The following ITGA1 variants were observed in gnomAD, a reference collection of about 807,000 sequenced individuals.
ITGA1 encodes the protein integrin subunit alpha 1, also known as integrin alpha-1.
Under a neutral mutation model 145.9 loss-of-function variants are expected in ITGA1, and 85 were observed. The observed-to-expected ratio is 0.58, with a 90% confidence interval of 0.49 to 0.70. The LOEUF is 0.70. ITGA1 is among the 30% of genes least tolerant of loss of function. The pLI, the probability that ITGA1 is intolerant of heterozygous loss-of-function variation, is 0.00. For missense variants in ITGA1, 1,351 were observed against 1,418.7 expected (o/e 0.95, Z 0.77); for synonymous variants, 520 against 495.3 (o/e 1.05, Z -0.66).
At chr5:52,875,979 G>A (rs570399129) in intron 6 of ITGA1, among the ~76,000 whole-genome samples, 1 of 151,690 alleles carries the variant, frequency 6.6e-6, no homozygotes, top group Non-Finnish European at 1.5e-5. Context: ...GGGCCACTTT[G>A]TTTCCTTCCA....
At chr5:52,893,072 T>G (rs763479677) in intron 8 of ITGA1, among the ~76,000 whole-genome samples, 2 of 152,140 alleles carry the variant, frequency 1.3e-5, no homozygotes, top group Non-Finnish European at 2.9e-5. Flanking sequence ...TTAACAATCA[T>G]ATATAACTCC....
chr5:52,892,181 C>T (rs935695712), intron 8 of ITGA1, among the ~76,000 whole-genome samples: 8 of 152,068 alleles, frequency 5.3e-5, no homozygotes, highest in Admixed American at 4.6e-4. Context: ...AAGATTTGAA[C>T]AGACACTAAC....
At chr5:52,924,434 A>G (rs1750772997) in intron 18 of ITGA1, among the ~76,000 whole-genome samples, 1 of 152,168 alleles carries the variant, frequency 6.6e-6, no homozygotes, top group African/African-American at 2.4e-5. Flanking sequence ...CATGAAGGAA[A>G]CAACGACATT....
intron 26 of ITGA1, among the ~76,000 whole-genome samples, chr5:52,943,863 C>T (rs375425224): frequency 2.2e-4 from 33 of 152,252 alleles, no homozygotes; most frequent in South Asian, 1.7e-3. Flanking sequence ...CAGGACACCC[C>T]GCAGCTCAGA....
intron 24 of ITGA1, among the ~76,000 whole-genome samples, chr5:52,938,399 T>C (rs1004025800): frequency 6.6e-6 from 1 of 152,212 alleles, no homozygotes; most frequent in African/African-American, 2.4e-5. Flanking sequence ...AATGTGTGCA[T>C]GATGTCAGAA....
intron 1 of ITGA1, among the ~76,000 whole-genome samples, chr5:52,813,494 G>A (rs1748715548): frequency 6.6e-6 from 1 of 152,108 alleles, no homozygotes; most frequent in South Asian, 2.1e-4. Flanking sequence ...GAAATTTTCT[G>A]GAAGAAGGCA....
chr5:52,822,738 T>C (rs896474639), intron 1 of ITGA1, among the ~76,000 whole-genome samples: 1 of 152,228 alleles, frequency 6.6e-6, no homozygotes, highest in Non-Finnish European at 1.5e-5. Context: ...CTGCTTCGTA[T>C]GATCGGTAAT....
At chr5:52,872,185 C>T (rs1478676798) in intron 6 of ITGA1, among the ~76,000 whole-genome samples, 2 of 152,084 alleles carry the variant, frequency 1.3e-5, no homozygotes, top group Admixed American at 1.3e-4. Flanking sequence ...TTTCTTTTTA[C>T]TGCTGATTTT....
chr5:52,827,369 A>G (rs946907081), intron 1 of ITGA1, among the ~76,000 whole-genome samples: 9 of 152,310 alleles, frequency 5.9e-5, no homozygotes, highest in Admixed American at 5.9e-4. Flanking sequence ...GATGAAATCA[A>G]TTCCTGAAAT....
intron 6 of ITGA1, among the ~76,000 whole-genome samples, chr5:52,869,513 A>G (rs1749744379): frequency 6.6e-6 from 1 of 152,096 alleles, no homozygotes. Context: ...CTAAGGCATA[A>G]TTATTATATT....
chr5:52,831,136 C>T (rs1020887831), intron 1 of ITGA1, among the ~76,000 whole-genome samples: 1 of 150,070 alleles, frequency 6.7e-6, no homozygotes, highest in African/African-American at 2.5e-5. Context: ...AGAGGTCACA[C>T]TTTTTTTTTT....
Position 52,788,196 on chromosome 5 carries a change from A to T in ITGA1, c.-158A>T, listed in dbSNP as rs1321378682. On this transcript the variant is annotated 5_prime_UTR_variant, in exon 1 of 29. Transcript: ENST00000282588. ...TAGAGGAATTCGACGAAAACACAGG[A>T]AATCACTCCTCTCCCGCTCCTGGGC... The T allele has an allele frequency of 2.0e-6, 1 of 500,696 alleles. No homozygotes were observed. Among genetic ancestry groups the T allele is most frequent in the African/African-American group, 2.0e-5 (1 of 49,154 alleles). The allele number at this position is 500,696 out of a possible 1,614,324, so 31.0% of individuals were successfully genotyped here. A position where few individuals can be genotyped will look rare whatever the true frequency, so the allele number is the denominator to read the frequency against.
At chr5:52,887,719 GCTAC>G in intron 7 of ITGA1, 92 bp from the exon 8 acceptor site, 2 of 1,190,286 alleles carry the variant, frequency 1.7e-6, no homozygotes, top group Non-Finnish European at 2.3e-6. Context: ...GAAGCACCAG[GCTAC>G]CTAGAGTAGT....
chr5:52,810,560 T>C (rs1178413531), intron 1 of ITGA1, among the ~76,000 whole-genome samples: 1 of 152,240 alleles, frequency 6.6e-6, no homozygotes, highest in East Asian at 1.9e-4. Flanking sequence ...AATAGTTCTC[T>C]GACCCTTTGT....
chr5:52,833,565 T>C (rs1466321987), intron 1 of ITGA1, among the ~76,000 whole-genome samples: 5 of 152,222 alleles, frequency 3.3e-5, no homozygotes, highest in African/African-American at 1.2e-4. Flanking sequence ...ACTACCTTGC[T>C]CTTGCTAGAG....
At chr5:52,813,182 C>T (rs1748711434) in intron 1 of ITGA1, among the ~76,000 whole-genome samples, 1 of 152,152 alleles carries the variant, frequency 6.6e-6, no homozygotes, top group South Asian at 2.1e-4. Context: ...GAGGTCCTGA[C>T]TCTGCTTATG....
intron 3 of ITGA1, chr5:52,863,927 A>G (rs1749644669): frequency 6.6e-6 from 1 of 152,238 alleles, no homozygotes; most frequent in Non-Finnish European, 1.5e-5. Flanking sequence ...GCAGATCAGG[A>G]AGTCTAACTG....
At chr5:52,832,197 C>G (rs1002315804) in intron 1 of ITGA1, among the ~76,000 whole-genome samples, 1 of 152,108 alleles carries the variant, frequency 6.6e-6, no homozygotes, top group Admixed American at 6.5e-5. Context: ...CCATGGATCT[C>G]TCCACCAAGA....
At chr5:52,881,126 T>C (rs1045881567) in intron 6 of ITGA1, among the ~76,000 whole-genome samples, 54 of 151,926 alleles carry the variant, frequency 3.6e-4, no homozygotes, top group Non-Finnish European at 8.8e-5. Context: ...GAAGGTGGAG[T>C]TGGGAAGGGC....
Sources: allele counts gnomAD v4.1 joint callset (sites outside exome capture counted in the v4.1 genomes callset), GRCh38; gene constraint gnomAD v4.1.1; transcripts MANE v1.5; gene names NCBI Gene and HGNC (gene_info 2026-07-23, HGNC 2026-07-21).